EBF2: variants seen among roughly 807,000 people sequenced by gnomAD.
The protein encoded by EBF2 is EBF transcription factor 2, also known as transcription factor COE2.
Under a neutral mutation model 72.8 loss-of-function variants are expected in EBF2, and 21 were observed. The ratio of observed to expected loss-of-function variants is 0.29; its 90% CI spans 0.20 to 0.42. The LOEUF (loss-of-function observed/expected upper bound fraction) is 0.42. Ranked by LOEUF, EBF2 falls within the 10% of genes least tolerant of loss-of-function variation. EBF2 has a pLI of 1.00. For synonymous variants in EBF2, 299 were observed against 274.2 expected, an observed-to-expected ratio of 1.09 and a Z score of -0.89; for missense variants, 637 against 731.2, an observed-to-expected ratio of 0.87 and a Z score of 1.49.
At chr8:25,944,735 CAAT>C (rs1803737367) in intron 6 of EBF2, among the ~76,000 whole-genome samples, 2 of 146,832 alleles carry the variant, frequency 1.4e-5, no homozygotes, top group East Asian at 2.0e-4. Context: ...TATATGTACA[CAAT>C]AACAATTATA....
Position 25,940,262 on chromosome 8 carries a change from T to A in EBF2, c.552-31707A>T, listed in dbSNP as rs112673152. On this transcript the variant is annotated intron_variant, in intron 6 of 15. Transcript: ENST00000520164. Reference sequence around the variant, plus strand: ...GAGTATTTTACACAACAGTTTTTCATATACCTCTTCTGAGCCTCACAGTAG... The same window carrying A: ...GAGTATTTTACACAACAGTTTTTCAAATACCTCTTCTGAGCCTCACAGTAG... Among the ~76,000 whole-genome samples the A allele has an allele frequency of 6.8e-3, 1,039 of 152,314 alleles. 8 individuals carry two copies. Among genetic ancestry groups the A allele is most frequent in the African/African-American group, 0.023 (942 of 41,560 alleles).
chr8:26,032,826 A>ATAT (rs1232701973), intron 6 of EBF2: 1 of 483,130 alleles, frequency 2.1e-6, no homozygotes, highest in Non-Finnish European at 3.7e-6. Context: ...TATATCCTGC[A>ATAT]CCACACATAC....
chr8:25,890,886 T>C (rs759345937), intron 7 of EBF2, among the ~76,000 whole-genome samples: 1 of 152,246 alleles, frequency 6.6e-6, no homozygotes, highest in Non-Finnish European at 1.5e-5. Context: ...ATACTCAACC[T>C]GTAATACATA....
chr8:26,037,197 T>C (rs1449881719), intron 5 of EBF2, among the ~76,000 whole-genome samples: 1 of 152,088 alleles, frequency 6.6e-6, no homozygotes, highest in African/African-American at 2.4e-5. Context: ...TGGGGAAATA[T>C]GAGAACTCTT....
At chr8:26,015,118 A>G (rs17818197) in intron 6 of EBF2, among the ~76,000 whole-genome samples, 29,904 of 152,134 alleles carry the variant, frequency 0.2, 2,979 homozygotes, top group South Asian at 0.22. Flanking sequence ...AAACTTGGCC[A>G]TGTGACTTCT....
chr8:25,847,172 A>G (rs1017633394), intron 15 of EBF2, among the ~76,000 whole-genome samples: 3 of 152,272 alleles, frequency 2.0e-5, no homozygotes, highest in African/African-American at 7.2e-5. Context: ...CACCTTGCCT[A>G]TAGTGCTCAG....
intron 6 of EBF2, among the ~76,000 whole-genome samples, chr8:25,971,750 C>A (rs1331644741): frequency 6.6e-6 from 1 of 151,932 alleles, no homozygotes; most frequent in Non-Finnish European, 1.5e-5. Flanking sequence ...TTTCCTCGAG[C>A]TAAGCCTGCT....
At position 25,884,517 on chromosome 8, in the gene EBF2, C is replaced by A. The variant is rs531471582; in HGVS notation, c.1009+2238G>T. ...TGCCCAACCCTCCCTCACTCTCCTT[C>A]CCTTACTTCTCACTATCTGAAATTA... is the stretch of plus-strand genomic sequence containing the variant. On this transcript the variant is annotated intron_variant, in intron 10 of 15. Transcript: ENST00000520164. Among the ~76,000 whole-genome samples, 4 of 152,242 alleles carry A rather than the reference C, an allele frequency of 2.6e-5. No homozygotes were observed. The South Asian group carries it at 8.3e-4, about 32-fold the overall frequency.
intron 6 of EBF2, among the ~76,000 whole-genome samples, chr8:25,985,679 A>G (rs1304174686): frequency 6.6e-6 from 1 of 152,190 alleles, no homozygotes; most frequent in Non-Finnish European, 1.5e-5. Context: ...TGAGGTGGAC[A>G]GGAATTACGG....
chr8:25,911,708 A>G (rs1003507716), intron 6 of EBF2, among the ~76,000 whole-genome samples: 1 of 152,210 alleles, frequency 6.6e-6, no homozygotes, highest in African/African-American at 2.4e-5. Context: ...CTTCCTTCCA[A>G]AAAGGGTTAC....
chr8:25,953,843 A>T (rs930753346), intron 6 of EBF2, among the ~76,000 whole-genome samples: 1 of 152,214 alleles, frequency 6.6e-6, no homozygotes, highest in Non-Finnish European at 1.5e-5. Context: ...CTCCATCGTC[A>T]GAGATCAGCG....
chr8:25,844,372 C>T lies in EBF2; in HGVS notation c.*237G>A. 1 of 484,092 alleles carries T rather than the reference C, an allele frequency of 2.1e-6. No homozygotes were observed. Among genetic ancestry groups the T allele is most frequent in the Non-Finnish European group, 3.7e-6 (1 of 270,546 alleles). 30.0% of individuals were successfully genotyped at this position (484,092 alleles called of 1,614,324 possible). On this transcript the variant is annotated 3_prime_UTR_variant, in exon 16 of 16. Coordinates refer to ENST00000520164, the MANE Select transcript of EBF2 (RefSeq NM_022659.4). ...CAAAGAATTGCATTTCTGCTCTTAG[C>T]ACTGACTACGTCAATGACATCTTTT...
At chr8:25,940,864 A>T (rs1484993685) in intron 6 of EBF2, among the ~76,000 whole-genome samples, 1 of 151,744 alleles carries the variant, frequency 6.6e-6, no homozygotes, top group Non-Finnish European at 1.5e-5. Flanking sequence ...ACAGAGACAG[A>T]CCCCCAGCCA....
chr8:26,041,438 C>A, intron 2 of EBF2: 1 of 193,538 alleles, frequency 5.2e-6, no homozygotes, highest in Non-Finnish European at 1.1e-5. Context: ...GCACGCAGGG[C>A]CACGAGCTCA....
chr8:25,878,012 T>A (rs1802551368), intron 10 of EBF2, among the ~76,000 whole-genome samples: 1 of 152,122 alleles, frequency 6.6e-6, no homozygotes, highest in African/African-American at 2.4e-5. Context: ...GGTAACAGCA[T>A]AATTGGCACC....
chr8:25,933,478 G>A (rs1033369923), intron 6 of EBF2, among the ~76,000 whole-genome samples: 1 of 152,162 alleles, frequency 6.6e-6, no homozygotes, highest in African/African-American at 2.4e-5. Context: ...ATCCACAGCT[G>A]GTGGGAGTAT....
intron 6 of EBF2, among the ~76,000 whole-genome samples, chr8:25,931,998 T>C (rs754069560): frequency 2.0e-4 from 31 of 152,192 alleles, no homozygotes; most frequent in Non-Finnish European, 4.0e-4. Flanking sequence ...TTGGCTTTGA[T>C]CTTGCTAGCA....
In EBF2 at chr8:26,040,648, A is replaced by G; in HGVS notation, c.376T>C (p.Tyr126His). Reference protein sequence around the residue: ...SNGVRTEQDLYVRLIDSVTKQ... With the variant: ...SNGVRTEQDLHVRLIDSVTKQ... ...GTGACCGAGTCGATGAGCCTGACAT[A>G]GAGGTCCTGTTCCGTGCGGACACCT... The change falls in exon 4 of 16, where the codon TAT becomes CAT. Residue 126 changes from tyrosine (Y) to histidine (H), a missense_variant. Physicochemically the swap from Tyr to His is moderately conservative, Grantham distance 83. Around this residue, in one of 3 missense-constraint regions of EBF2, gnomAD observed 174 missense variants for 161.9 expected, o/e 1.07. Transcript: ENST00000520164. 1 of 1,555,690 alleles carries G rather than the reference A, an allele frequency of 6.4e-7. No individual in the cohort carries two copies. Among genetic ancestry groups the G allele is most frequent in the South Asian group, 1.2e-5 (1 of 84,302 alleles).
At chr8:25,899,923 C>T (rs559309407) in intron 7 of EBF2, among the ~76,000 whole-genome samples, 70 of 152,328 alleles carry the variant, frequency 4.6e-4, no homozygotes, top group African/African-American at 1.6e-3. Flanking sequence ...TCCGGCAGAT[C>T]TTTCTGCCCT....
Sources: allele counts gnomAD v4.1 joint callset (sites outside exome capture counted in the v4.1 genomes callset), GRCh38; gene constraint gnomAD v4.1.1; regional missense constraint gnomAD v4.1.1; transcripts MANE v1.5; gene names NCBI Gene and HGNC (gene_info 2026-07-23, HGNC 2026-07-21).